PLCL2: variants seen among roughly 807,000 people sequenced by gnomAD.
The protein encoded by PLCL2 is inactive phospholipase C-like protein 2.
In PLCL2, 4 loss-of-function variants were observed where a neutral mutation model predicts 79.6. The observed-to-expected ratio is 0.05, with a 90% CI of 0.02 to 0.11. PLCL2 has a LOEUF of 0.11. Ranked by LOEUF, PLCL2 falls within the 10% of genes least tolerant of loss-of-function variation. PLCL2 has a pLI of 1.00. For missense variants in PLCL2, 895 were observed against 1,291.0 expected, an observed-to-expected ratio of 0.69 and a Z score of 4.70; for synonymous variants, 484 against 457.7, an observed-to-expected ratio of 1.06 and a Z score of -0.73.
chr3:17,079,073 T>C (rs191609782), intron 5 of PLCL2, among the ~76,000 whole-genome samples: 1 of 152,292 alleles, frequency 6.6e-6, no homozygotes, highest in East Asian at 1.9e-4. Flanking sequence ...TGTTTGACTG[T>C]GTAAATGGTG....
At chr3:17,077,167 G>A (rs117082273) in intron 5 of PLCL2, among the ~76,000 whole-genome samples, 1,607 of 152,248 alleles carry the variant, frequency 0.011, 28 homozygotes, top group Admixed American at 0.044. Flanking sequence ...AGCTGGACAC[G>A]GTTGTTTGTA....
At chr3:16,986,031 A>T (rs2064047117) in intron 1 of PLCL2, among the ~76,000 whole-genome samples, 1 of 152,064 alleles carries the variant, frequency 6.6e-6, no homozygotes, top group Non-Finnish European at 1.5e-5. Flanking sequence ...TGGAGCCAAG[A>T]CATAGGGAAC....
intron 1 of PLCL2, among the ~76,000 whole-genome samples, chr3:16,991,575 G>A (rs1291000238): frequency 1.3e-5 from 2 of 152,090 alleles, no homozygotes; most frequent in Admixed American, 1.3e-4. Flanking sequence ...CTAACTCAAG[G>A]AACCTTCCAG....
chr3:16,909,678 A>G (rs371020660), intron 1 of PLCL2, among the ~76,000 whole-genome samples: 1 of 152,206 alleles, frequency 6.6e-6, no homozygotes, highest in South Asian at 2.1e-4. Flanking sequence ...TTTCTATTCT[A>G]TAACTGATAT....
At chr3:17,076,011 C>G (rs939943965) in intron 5 of PLCL2, among the ~76,000 whole-genome samples, 2 of 152,126 alleles carry the variant, frequency 1.3e-5, no homozygotes, top group Admixed American at 1.3e-4. Context: ...TATGGACATG[C>G]TTTTATTCTT....
intron 5 of PLCL2, among the ~76,000 whole-genome samples, chr3:17,089,144 G>A (rs2065249460): frequency 6.6e-6 from 1 of 152,170 alleles, no homozygotes; most frequent in South Asian, 2.1e-4. Flanking sequence ...CTTCCTGGTG[G>A]TGCTGGTGCA....
At chr3:17,052,951 A>G (rs1032481655) in intron 4 of PLCL2, among the ~76,000 whole-genome samples, 1 of 152,248 alleles carries the variant, frequency 6.6e-6, no homozygotes, top group Admixed American at 6.5e-5. Context: ...AAAGTAGGCT[A>G]TTATTAGTAA....
At chr3:16,893,673 G>A (rs1239783051) in intron 1 of PLCL2, among the ~76,000 whole-genome samples, 1 of 152,120 alleles carries the variant, frequency 6.6e-6, no homozygotes, top group Non-Finnish European at 1.5e-5. Context: ...TAACAGAATT[G>A]GAAAAATTTG....
At chr3:16,978,367 G>A (rs1176464834) in intron 1 of PLCL2, among the ~76,000 whole-genome samples, 4 of 152,248 alleles carry the variant, frequency 2.6e-5, no homozygotes, top group African/African-American at 7.2e-5. Flanking sequence ...CTCACAAGCT[G>A]AGTAAGATGC....
At chr3:16,897,820 G>C (rs1207646829) in intron 1 of PLCL2, among the ~76,000 whole-genome samples, 1 of 152,208 alleles carries the variant, frequency 6.6e-6, no homozygotes, top group Non-Finnish European at 1.5e-5. Context: ...AATGAACATT[G>C]AACTCCTGAG....
chr3:16,972,868 A>G (rs1559503898), intron 1 of PLCL2, among the ~76,000 whole-genome samples: 2 of 152,058 alleles, frequency 1.3e-5, no homozygotes, highest in Non-Finnish European at 2.9e-5. Flanking sequence ...CTTTGAGCCT[A>G]TGGATGTCAT....
At position 16,955,636 on chromosome 3, in the gene PLCL2, C is replaced by G. The variant is rs1327208957; in HGVS notation, c.328-54038C>G. ...CCTTGGGCAGTATGGCCATTTTCAC[C>G]ATATTGGTTCTTCCTACCCATGAGC... On this transcript the variant is annotated intron_variant, in intron 1 of 5. Transcript: ENST00000615277. Among the ~76,000 whole-genome samples the G allele has an allele frequency of 3.9e-5, 6 of 152,150 alleles. No individual in the cohort carries two copies. The South Asian group carries it at 6.2e-4, about 16-fold the overall frequency.
intron 1 of PLCL2, among the ~76,000 whole-genome samples, chr3:16,988,797 C>T (rs1460456333): frequency 6.6e-6 from 1 of 151,982 alleles, no homozygotes; most frequent in Non-Finnish European, 1.5e-5. Flanking sequence ...ATATGCTTTT[C>T]ATAACATGGA....
chr3:16,969,402 T>A (rs1260889652), intron 1 of PLCL2, among the ~76,000 whole-genome samples: 2 of 152,112 alleles, frequency 1.3e-5, no homozygotes, highest in East Asian at 3.9e-4. Context: ...GGCTTTTTAT[T>A]ACGAATTCAG....
At chr3:17,087,880 A>G (rs2065237201) in intron 5 of PLCL2, among the ~76,000 whole-genome samples, 1 of 152,182 alleles carries the variant, frequency 6.6e-6, no homozygotes, top group African/African-American at 2.4e-5. Flanking sequence ...AGTCTATTAA[A>G]ACTGTGAATG....
intron 3 of PLCL2, among the ~76,000 whole-genome samples, chr3:17,019,653 T>A (rs1402773445): frequency 6.6e-6 from 1 of 152,190 alleles, no homozygotes; most frequent in Non-Finnish European, 1.5e-5. Flanking sequence ...AGAAAATTCT[T>A]CATTTTGCAT....
chr3:17,021,308 C>G (rs185286588), intron 3 of PLCL2, among the ~76,000 whole-genome samples: 137 of 152,182 alleles, frequency 9.0e-4, no homozygotes, highest in African/African-American at 3.1e-3. Flanking sequence ...CTGAAATCAT[C>G]AAAACCATTG....
chr3:17,016,097 T>G (rs77213050), intron 3 of PLCL2, among the ~76,000 whole-genome samples: 4,382 of 152,282 alleles, frequency 0.029, 234 homozygotes, highest in African/African-American at 0.1. Context: ...TAGAACCTTT[T>G]ATTTGCTATC....
chr3:17,060,773 C>T lies in PLCL2; in HGVS notation c.3095-7183C>T, dbSNP rs148545192. ...GCTACCTCTTGAATGAGGTCCCAAACGCACCTGTGTTATATGGTATTCCAT... is the reference window on the plus strand; with the variant it reads ...GCTACCTCTTGAATGAGGTCCCAAATGCACCTGTGTTATATGGTATTCCAT... On this transcript the variant is annotated intron_variant, in intron 4 of 5. Transcript: ENST00000615277. Among the ~76,000 whole-genome samples, 219 of 152,240 alleles carry T rather than the reference C, an allele frequency of 1.4e-3. 1 individual carries two copies. The highest frequency in any genetic ancestry group is 5.0e-3 in the African/African-American group (207 of 41,544).
Sources: gnomAD v4.1 joint callset for allele counts (sites outside exome capture counted in the v4.1 genomes callset) on GRCh38, gnomAD v4.1.1 for gene constraint, MANE v1.5 for transcripts, NCBI Gene and HGNC (gene_info 2026-07-23, HGNC 2026-07-21) for gene names.